TMPRSS7: variants seen among roughly 807,000 people sequenced by gnomAD.
The protein encoded by TMPRSS7 is transmembrane serine protease 7, also known as transmembrane protease serine 7.
In TMPRSS7, 81 loss-of-function variants were observed where a neutral mutation model predicts 95.6. The observed-to-expected ratio is 0.85, with a 90% confidence interval of 0.71 to 1.02. TMPRSS7 has a LOEUF of 1.02. Ranked by LOEUF, TMPRSS7 falls within the 50% of genes least tolerant of loss-of-function variation. The pLI is 0.00. For missense variants in TMPRSS7, 945 were observed against 955.2 expected (o/e 0.99, Z 0.14); for synonymous variants, 364 against 337.8 (o/e 1.08, Z -0.85).
At chr3:112,053,835 C>T (rs903948774) in intron 9 of TMPRSS7, among the ~76,000 whole-genome samples, 3 of 152,200 alleles carry the variant, frequency 2.0e-5, no homozygotes, top group African/African-American at 7.2e-5. Flanking sequence ...TGTTCTGCTT[C>T]CCTACGTTTC....
rs562022895 is a variant in TMPRSS7 at position 112,066,579 on chromosome 3, G to C, written c.1666+77G>C. On this transcript the variant is annotated intron_variant, in intron 13 of 17. Coordinates refer to ENST00000452346, the Ensembl canonical transcript of TMPRSS7. ...ATCAGGACAAAAATACCTCTGATGG[G>C]TTAGGGGTTAGGGCAATCAACTTGT... 4 of 1,274,118 alleles carry C rather than the reference G, an allele frequency of 3.1e-6. No homozygotes were observed. The African/African-American group carries it at 5.9e-5, about 19-fold the overall frequency. The allele number at this position is 1,274,118 out of a possible 1,614,324, so 78.9% of individuals were successfully genotyped here. A position where few individuals can be genotyped will look rare whatever the true frequency, so the allele number is the denominator to read the frequency against.
chr3:112,062,497 C>T (rs1190828777), intron 11 of TMPRSS7, among the ~76,000 whole-genome samples: 2 of 152,176 alleles, frequency 1.3e-5, no homozygotes, highest in South Asian at 2.1e-4. Context: ...ATGACATGCT[C>T]AGGAAATCTT....
At chr3:112,037,982 T>C (rs2073164440) in intron 1 of TMPRSS7, 90 bp from the exon 2 acceptor site, 3 of 644,112 alleles carry the variant, frequency 4.7e-6, no homozygotes, top group Non-Finnish European at 5.5e-6. Flanking sequence ...TATTTAGGCC[T>C]TTTAGTACCA....
chr3:112,067,316 A>G (rs1214363456), intron 13 of TMPRSS7, among the ~76,000 whole-genome samples: 1 of 152,236 alleles, frequency 6.6e-6, no homozygotes, highest in Non-Finnish European at 1.5e-5. Context: ...TTATAGTGGC[A>G]TGATTTATAA....
intron 17 of TMPRSS7, among the ~76,000 whole-genome samples, chr3:112,080,508 C>G (rs1178531672): frequency 2.0e-5 from 3 of 152,092 alleles, no homozygotes; most frequent in African/African-American, 7.2e-5. Flanking sequence ...ATAGCTAGCA[C>G]TAAATAAATT....
chr3:112,037,800 T>C (rs1157893809), intron 1 of TMPRSS7, among the ~76,000 whole-genome samples: 3 of 152,200 alleles, frequency 2.0e-5, no homozygotes, highest in Non-Finnish European at 4.4e-5. Context: ...GAAAAGAACC[T>C]ACATTGAAAT....
chr3:112,040,837 T>C (rs1288657985), intron 2 of TMPRSS7, among the ~76,000 whole-genome samples: 1 of 152,098 alleles, frequency 6.6e-6, no homozygotes, highest in Non-Finnish European at 1.5e-5. Flanking sequence ...AATCTGGGCA[T>C]GGAGGGTGGC....
chr3:112,065,464 G>T (rs917535444), intron 12 of TMPRSS7, among the ~76,000 whole-genome samples: 2 of 152,024 alleles, frequency 1.3e-5, no homozygotes, highest in Non-Finnish European at 2.9e-5. Context: ...ATTATATAAT[G>T]ACTGAGTTTT....
At chr3:112,050,892 T>C in intron 9 of TMPRSS7, 109 bp downstream of exon 9, 1 of 573,002 alleles carries the variant, frequency 1.7e-6, no homozygotes, top group Admixed American at 3.4e-5. Context: ...TTTTATAAAA[T>C]TTCAGTATTA....
chr3:112,071,946 T>C (rs1341919118), intron 13 of TMPRSS7, among the ~76,000 whole-genome samples: 3 of 152,250 alleles, frequency 2.0e-5, no homozygotes, highest in African/African-American at 4.8e-5. Context: ...AGCCTACTTC[T>C]GTCAACTTGT....
chr3:112,039,056 T>C (rs955793496), intron 2 of TMPRSS7, among the ~76,000 whole-genome samples: 3 of 152,210 alleles, frequency 2.0e-5, no homozygotes, highest in African/African-American at 7.2e-5. Flanking sequence ...CTCCCTGAGC[T>C]CCATTTTGCA....
At chr3:112,062,027 T>C in intron 11 of TMPRSS7, 104 bp downstream of exon 11, 2 of 775,048 alleles carry the variant, frequency 2.6e-6, no homozygotes, top group Non-Finnish European at 3.6e-6. Context: ...CTGCTTTATT[T>C]CTGCTATTTC....
rs1024375921 is a variant in TMPRSS7, at chr3:112,076,764, C to T, written c.1956-112C>T. On this transcript the variant is annotated intron_variant, in intron 15 of 17. Transcript: ENST00000452346. ...GACAAAGCCAGTGACTATAATAACA[C>T]CCTGGAAGTCAGGCCCTTCTTTTTC... is the stretch of plus-strand genomic sequence containing the variant. 3.1e-6 allele frequency: 4 copies of T among 1,274,502 alleles called. No homozygotes were observed. In the African/African-American group the frequency reaches 6.0e-5, roughly 19 times the overall value. 78.9% of individuals were successfully genotyped at this position (1,274,502 alleles called of 1,614,324 possible).
exon 3 of TMPRSS7, chr3:112,041,960 G>A (rs1251821419): frequency 1.9e-6 from 3 of 1,551,606 alleles, no homozygotes; most frequent in Non-Finnish European, 1.7e-6. Context: ...TTGCTGGGAT[G>A]TTTCGCATCA....
At chr3:112,048,778 C>G (rs966365773) in intron 7 of TMPRSS7, among the ~76,000 whole-genome samples, 1 of 152,130 alleles carries the variant, frequency 6.6e-6, no homozygotes, top group Non-Finnish European at 1.5e-5. Context: ...CCACTGATGC[C>G]CATTCCTCCA....
At chr3:112,043,717 A>G (rs977666421) in intron 3 of TMPRSS7, among the ~76,000 whole-genome samples, 2 of 152,194 alleles carry the variant, frequency 1.3e-5, no homozygotes, top group Admixed American at 1.3e-4. Context: ...ATCGATTGAA[A>G]CAGAGCTCTC....
chr3:112,074,472 A>C, intron 14 of TMPRSS7, 60 bp downstream of exon 14: 1 of 1,263,642 alleles, frequency 7.9e-7, no homozygotes, highest in South Asian at 1.3e-5. Flanking sequence ...CCTGTTTGTT[A>C]TATTTTCATT....
rs201079817 is a variant in TMPRSS7 at position 112,080,904 on chromosome 3, G to T, written c.2362-10G>T. 271 of 1,599,828 alleles carry T rather than the reference G, an allele frequency of 1.7e-4. No homozygotes were observed. The highest frequency in any genetic ancestry group is 2.2e-4 in the Non-Finnish European group (259 of 1,175,360). On this transcript the variant is annotated splice_polypyrimidine_tract_variant and intron_variant, in intron 17 of 17. Coordinates refer to ENST00000452346, the Ensembl canonical transcript of TMPRSS7. ...AATTTACTTTATACTTACATTTTTT[G>T]TGTGTGTAGGGAGATTCGGGTGGAC...
chr3:112,046,625 C>CTATT (rs2073282721), intron 5 of TMPRSS7, among the ~76,000 whole-genome samples: 1 of 152,108 alleles, frequency 6.6e-6, no homozygotes, highest in South Asian at 2.1e-4. Flanking sequence ...ATCTCATGTA[C>CTATT]TATTTCATAT....
Sources: allele counts gnomAD v4.1 joint callset (sites outside exome capture counted in the v4.1 genomes callset), GRCh38; gene constraint gnomAD v4.1.1; transcripts MANE v1.5; gene names NCBI Gene and HGNC (gene_info 2026-07-23, HGNC 2026-07-21).